The following IARS1 variants were observed in gnomAD, a reference collection of about 807,000 sequenced individuals.
The protein encoded by IARS1 is isoleucine--tRNA ligase, cytoplasmic.
In IARS1, 124 loss-of-function variants were observed where a neutral mutation model predicts 168.2. The observed-to-expected ratio is 0.74, with a 90% confidence interval of 0.64 to 0.86. IARS1 has a LOEUF of 0.86. Among genes scored for constraint, IARS1 ranks in the 40% least tolerant of loss-of-function variants. The pLI is 0.00. For synonymous variants in IARS1, 532 were observed against 529.4 expected (o/e 1.00, Z -0.07); for missense variants, 1,452 against 1,515.8 (o/e 0.96, Z 0.70).
At chr9:92,277,799 A>C in intron 9 of IARS1, 64 bp downstream of exon 9, 1 of 1,396,728 alleles carries the variant, frequency 7.2e-7, no homozygotes, top group South Asian at 1.2e-5. Flanking sequence ...CACTTCTCAC[A>C]ACACCCCAGC....
intron 14 of IARS1, among the ~76,000 whole-genome samples, chr9:92,266,395 C>A (rs971994566): frequency 2.0e-5 from 3 of 152,160 alleles, no homozygotes; most frequent in Non-Finnish European, 4.4e-5. Flanking sequence ...ACATCACAGA[C>A]CTAGATGGGA....
At chr9:92,213,080 T>TAA (rs1259459705) in intron 33 of IARS1, among the ~76,000 whole-genome samples, 2 of 151,954 alleles carry the variant, frequency 1.3e-5, no homozygotes, top group African/African-American at 4.8e-5. Flanking sequence ...AGAGCTTTAG[T>TAA]ATTTAACATC....
intron 19 of IARS1, among the ~76,000 whole-genome samples, chr9:92,257,136 G>GTAGAACTGTCTAGGATTGAA (rs1211260498): frequency 1.3e-5 from 2 of 152,230 alleles, no homozygotes; most frequent in African/African-American, 4.8e-5. Context: ...AGGAAGGACA[G>GTAGAACTGTCTAGGATTGAA]TAGAACTGTC....
rs1835373570 is a variant in IARS1, at chr9:92,285,855, G to A, written c.480-16C>T. The A allele has an allele frequency of 1.4e-6, 2 of 1,380,904 alleles. No homozygotes were observed. The highest frequency in any genetic ancestry group is 3.5e-5 in the Admixed American group (2 of 57,028). 85.5% of individuals were successfully genotyped at this position (1,380,904 alleles called of 1,614,324 possible). A position where few individuals can be genotyped will look rare whatever the true frequency, so the allele number is the denominator to read the frequency against. ...GAAGACCCACCTGGTAAGAGATGGA[G>A]TTTCACAATTACAGAACAAAATTCT... On this transcript the variant is annotated splice_polypyrimidine_tract_variant and intron_variant, in intron 5 of 33. Coordinates refer to ENST00000443024, the MANE Select transcript of IARS1 (RefSeq NM_002161.6).
Position 92,287,638 on chromosome 9 carries a change from C to T in IARS1, c.396+153G>A, listed in dbSNP as rs987236285. On this transcript the variant is annotated intron_variant, in intron 4 of 33. Coordinates refer to ENST00000443024, the MANE Select transcript of IARS1 (RefSeq NM_002161.6). ...CAGAAGAGAGATGGTTCAGTTTAAG[C>T]TAACCGTTTAAGTAATAGGGTTGAA... 2.1e-5 allele frequency: 16 copies of T among 754,114 alleles called. No homozygotes were observed. In the African/African-American group the frequency reaches 2.7e-4, roughly 13 times the overall value. The allele number at this position is 754,114 out of a possible 1,614,324, so 46.7% of individuals were successfully genotyped here. A position where few individuals can be genotyped will look rare whatever the true frequency, so the allele number is the denominator to read the frequency against.
chr9:92,288,528 C>A (rs1213011097), intron 2 of IARS1, among the ~76,000 whole-genome samples: 8 of 152,092 alleles, frequency 5.3e-5, no homozygotes, highest in Admixed American at 5.2e-4. Context: ...TGACATAAGG[C>A]AAATTATTTA....
At chr9:92,271,496 G>T in intron 11 of IARS1, 37 bp downstream of exon 11, 1 of 1,611,014 alleles carries the variant, frequency 6.2e-7, no homozygotes, top group Non-Finnish European at 8.5e-7. Flanking sequence ...CTAATCAGAA[G>T]TAACAGTCAC....
Position 92,287,894 on chromosome 9 carries a change from T to C in IARS1, c.293A>G (p.Lys98Arg), listed in dbSNP as rs747408162. ...CTCTGGTCCTCTGATTCCCAGTGTC[T>C]TATCAATTTCATATTCCTGAAAATT... is the stretch of plus-strand genomic sequence containing the variant. Reference protein sequence around the residue: ...HGLPVEYEIDKTLGIRGPEDV... With the variant: ...HGLPVEYEIDRTLGIRGPEDV... The change falls in exon 4 of 34, where the codon AAG (lysine) becomes AGG (arginine). Residue 98 changes from lysine (K) to arginine (R), a missense_variant. Physicochemically the swap from Lys to Arg is conservative, Grantham distance 26. Transcript: ENST00000443024. The C allele has an allele frequency of 1.2e-6, 2 of 1,613,910 alleles. No individual in the cohort carries two copies. Among genetic ancestry groups the C allele is most frequent in the Non-Finnish European group, 8.5e-7 (1 of 1,179,916 alleles).
rs370194547 is a variant in IARS1 at position 92,250,206 on chromosome 9, C to A, written c.2513G>T (p.Arg838Leu). 6.2e-6 allele frequency: 10 copies of A among 1,608,050 alleles called. No homozygotes were observed. The highest frequency in any genetic ancestry group is 3.3e-5 in the South Asian group (3 of 90,930). The stretch of plus-strand genomic sequence containing the variant: ...TCAAACCTTTATGGGAATAGTTTTT[C>A]GGTCTCTGATCACTCTTCCAAGTTC... ...VIELGRVIRD[R>L]KTIPIKYPLK... Residue 838 changes from arginine to leucine, a missense_variant, in exon 24 of 34, where the codon CGA becomes CTA. Coordinates refer to ENST00000443024, the MANE Select transcript of IARS1 (RefSeq NM_002161.6).
rs1341962987 is a variant in IARS1, at chr9:92,268,234, A to G, written c.1371T>C (p.Ile457=). 1.9e-6 allele frequency: 3 copies of G among 1,611,800 alleles called. No individual in the cohort carries two copies. The highest frequency in any genetic ancestry group is 1.1e-5 in the South Asian group (1 of 90,546). ...NWLKDARDWT[I]SRNRYWGTPI... ...GGGTGCCCCAGTATCTGTTTCTGGA[A>G]ATTGTCCAGTCACGTGCATCTTTCA... Residue 457 remains isoleucine (I), a synonymous_variant, in exon 14 of 34, where the codon ATT becomes ATC. Coordinates refer to ENST00000443024, the MANE Select transcript of IARS1 (RefSeq NM_002161.6).
rs550709749 is a variant in IARS1, at chr9:92,272,497, C to T, written c.991-842G>A. Among the ~76,000 whole-genome samples, 13 of 152,330 alleles carry T rather than the reference C, an allele frequency of 8.5e-5. No individual in the cohort carries two copies. The South Asian group carries it at 2.5e-3, about 29-fold the overall frequency. On this transcript the variant is annotated intron_variant, in intron 10 of 33. Coordinates refer to ENST00000443024, the MANE Select transcript of IARS1 (RefSeq NM_002161.6). ...ATGACGCACAAGTGCACAGACTCTG[C>T]GAAGATCAAACACTACCCTTGCCTG...
Position 92,269,899 on chromosome 9 carries a change from A to G in IARS1, c.1290T>C (p.Asn430=), listed in dbSNP as rs139382751. 233 of 1,612,046 alleles carry G rather than the reference A, an allele frequency of 1.4e-4. No homozygotes were observed. The African/African-American group carries it at 2.7e-3, about 18-fold the overall frequency. Residue 430 remains asparagine, a synonymous_variant, in exon 13 of 34, where the codon AAT becomes AAC. Transcript: ENST00000443024. ...ENMVDQLLRN[N]DLCYWVPELV... ...TTACTGCTCACCAGTAGCACAGGTCATTGTTCCTTAGGAGCTGGTCCACCA... is the reference window on the plus strand; with the variant it reads ...TTACTGCTCACCAGTAGCACAGGTCGTTGTTCCTTAGGAGCTGGTCCACCA...
chr9:92,267,174 G>A (rs1269477160), intron 14 of IARS1, among the ~76,000 whole-genome samples: 1 of 152,134 alleles, frequency 6.6e-6, no homozygotes, highest in African/African-American at 2.4e-5. Flanking sequence ...GGCTAGCTGG[G>A]GCACTCAGAA....
At chr9:92,233,438 T>A (rs532105641) in intron 30 of IARS1, among the ~76,000 whole-genome samples, 87 of 152,370 alleles carry the variant, frequency 5.7e-4, no homozygotes, top group African/African-American at 2.1e-3. Context: ...ATCTAAAGTG[T>A]TTCATCTTTG....
At chr9:92,264,062 C>T (rs758127476) in intron 16 of IARS1, among the ~76,000 whole-genome samples, 11 of 152,090 alleles carry the variant, frequency 7.2e-5, no homozygotes, top group Non-Finnish European at 1.3e-4. Context: ...GGGCTGGGCG[C>T]AATGGCTCAC....
rs143618965 is a variant in IARS1, at chr9:92,241,984, C to A, written c.3177+170G>T. On this transcript the variant is annotated intron_variant, in intron 29 of 33. Transcript: ENST00000443024. ...GTTCCATCTTCCCTCCCTGCTCCATCTTTTCTGAGCTTCCACTCTCTGACT... is the reference window on the plus strand; with the variant it reads ...GTTCCATCTTCCCTCCCTGCTCCATATTTTCTGAGCTTCCACTCTCTGACT... Among the ~76,000 whole-genome samples, 371 of 151,790 alleles carry A rather than the reference C, an allele frequency of 2.4e-3. 1 individual carries two copies. The highest frequency in any genetic ancestry group is 8.6e-3 in the African/African-American group (355 of 41,400).
At chr9:92,253,674 TGTGA>T (rs1830324823) in intron 20 of IARS1, among the ~76,000 whole-genome samples, 1 of 152,192 alleles carries the variant, frequency 6.6e-6, no homozygotes. Context: ...AAAATCACCA[TGTGA>T]GCCACATGCG....
chr9:92,284,163 C>A (rs1027028835), intron 6 of IARS1, among the ~76,000 whole-genome samples: 3 of 152,104 alleles, frequency 2.0e-5, no homozygotes, highest in Non-Finnish European at 4.4e-5. Flanking sequence ...GGTGACATAG[C>A]GAGATCCTAT....
chr9:92,268,407 C>T, intron 13 of IARS1, 107 bp from the exon 14 acceptor site: 1 of 1,118,296 alleles, frequency 8.9e-7, no homozygotes, highest in Non-Finnish European at 1.3e-6. Context: ...ACCAAACACT[C>T]TGGAAACGTG....
Sources: allele counts gnomAD v4.1 joint callset (sites outside exome capture counted in the v4.1 genomes callset), GRCh38; gene constraint gnomAD v4.1.1; transcripts MANE v1.5; gene names NCBI Gene and HGNC (gene_info 2026-07-23, HGNC 2026-07-21).